Variants in RMST observed in about 807,000 individuals in gnomAD.
The protein encoded by RMST is long intergenic non-protein coding RNA 54.
chr12:97,476,013 A>G (rs1874515779), intron 5 of RMST, among the ~76,000 whole-genome samples: 1 of 152,108 alleles, frequency 6.6e-6, no homozygotes, highest in African/African-American at 2.4e-5. Flanking sequence ...GAGCTGCTTT[A>G]TGCTTTTCTT....
chr12:97,560,824 A>C (rs1466056833), exon 13 of RMST: 1 of 152,230 alleles, frequency 6.6e-6, no homozygotes, highest in Non-Finnish European at 1.5e-5. Context: ...TGACCTGCTC[A>C]TCCAGTGGTC....
chr12:97,491,141 C>T (rs1375347833), intron 5 of RMST, among the ~76,000 whole-genome samples: 1 of 152,094 alleles, frequency 6.6e-6, no homozygotes, highest in African/African-American at 2.4e-5. Context: ...ACTCTGAAGC[C>T]CTCTGAGAGC....
At chr12:97,510,719 A>G (rs1246701344) in intron 10 of RMST, among the ~76,000 whole-genome samples, 3 of 152,196 alleles carry the variant, frequency 2.0e-5, no homozygotes, top group Non-Finnish European at 4.4e-5. Context: ...AGTAGGTGAA[A>G]CAGCATTTGT....
chr12:97,499,293 C>T (rs149584077), intron 10 of RMST, among the ~76,000 whole-genome samples: 195 of 152,066 alleles, frequency 1.3e-3, no homozygotes, highest in African/African-American at 4.5e-3. Flanking sequence ...CTTGCTTGTC[C>T]ATTGTATTTC....
At chr12:97,553,269 ATAATTCATTGAAC>A (rs1262051523) in intron 11 of RMST, among the ~76,000 whole-genome samples, 5 of 152,226 alleles carry the variant, frequency 3.3e-5, no homozygotes, top group Admixed American at 2.6e-4. Context: ...TGTTTGGAGA[ATAATTCATTGAAC>A]TAACACATTT....
intron 10 of RMST, among the ~76,000 whole-genome samples, chr12:97,511,150 CTT>C (rs200176181): frequency 0.15 from 20,837 of 139,676 alleles, 2,525 homozygotes; most frequent in African/African-American, 0.33. Context: ...GTACTTCCTT[CTT>C]TTTTTTTTTT....
intron 11 of RMST, chr12:97,533,805 C>T (rs1592756672): frequency 6.6e-6 from 1 of 151,934 alleles, no homozygotes; most frequent in South Asian, 2.1e-4. Context: ...AGAATTCACT[C>T]TGAATCTGTC....
chr12:97,525,071 C>T (rs1213917627), intron 10 of RMST, among the ~76,000 whole-genome samples: 1 of 152,088 alleles, frequency 6.6e-6, no homozygotes, highest in Non-Finnish European at 1.5e-5. Context: ...AATATTTGTA[C>T]ATTTGTAACA....
intron 11 of RMST, among the ~76,000 whole-genome samples, chr12:97,560,040 A>G (rs535121600): frequency 5.3e-5 from 8 of 152,104 alleles, no homozygotes; most frequent in Non-Finnish European, 7.4e-5. Flanking sequence ...GTCTTTATTT[A>G]TGGTTTCAGC....
At chr12:97,521,109 G>A (rs1194295315) in intron 10 of RMST, among the ~76,000 whole-genome samples, 1 of 152,186 alleles carries the variant, frequency 6.6e-6, no homozygotes, top group East Asian at 1.9e-4. Flanking sequence ...TTACCCACCT[G>A]TAATCATTTA....
intron 10 of RMST, among the ~76,000 whole-genome samples, chr12:97,509,941 C>CT (rs1879105447): frequency 6.6e-6 from 1 of 152,160 alleles, no homozygotes; most frequent in African/African-American, 2.4e-5. Flanking sequence ...CCCCACTAGA[C>CT]TATAGCTACC....
intron 13 of RMST, among the ~76,000 whole-genome samples, chr12:97,562,042 G>A (rs1330839168): frequency 6.6e-6 from 1 of 152,094 alleles, no homozygotes; most frequent in Non-Finnish European, 1.5e-5. Context: ...AGGAAGAACA[G>A]CAACAAAACT....
At chr12:97,545,801 G>T (rs1329641345) in intron 11 of RMST, among the ~76,000 whole-genome samples, 1 of 152,114 alleles carries the variant, frequency 6.6e-6, no homozygotes, top group Non-Finnish European at 1.5e-5. Context: ...TTCTAACACT[G>T]CAGGTTACCT....
intron 10 of RMST, among the ~76,000 whole-genome samples, chr12:97,499,586 C>G (rs1424998896): frequency 1.3e-5 from 2 of 151,434 alleles, no homozygotes; most frequent in African/African-American, 4.9e-5. Context: ...TTTGTAAACT[C>G]TAAAATGATA....
chr12:97,522,163 T>A (rs559472134), intron 10 of RMST, among the ~76,000 whole-genome samples: 1 of 152,354 alleles, frequency 6.6e-6, no homozygotes, highest in East Asian at 1.9e-4. Context: ...AAAACATGTC[T>A]ATTTGCTCCA....
intron 10 of RMST, among the ~76,000 whole-genome samples, chr12:97,527,732 A>T (rs1485663424): frequency 6.6e-6 from 1 of 152,150 alleles, no homozygotes; most frequent in Non-Finnish European, 1.5e-5. Context: ...TTTTAACTGA[A>T]GTCCTCCATA....
At chr12:97,505,072 T>C (rs1878518119) in intron 10 of RMST, among the ~76,000 whole-genome samples, 1 of 152,236 alleles carries the variant, frequency 6.6e-6, no homozygotes, top group African/African-American at 2.4e-5. Context: ...AATTGAAAAA[T>C]ATTTGATTCT....
chr12:97,486,396 G>A (rs941067830), intron 5 of RMST, among the ~76,000 whole-genome samples: 2 of 152,092 alleles, frequency 1.3e-5, no homozygotes, highest in Admixed American at 1.3e-4. Flanking sequence ...AGCAGGTGAG[G>A]GCCATCTTTG....
intron 5 of RMST, among the ~76,000 whole-genome samples, chr12:97,492,190 TATCAA>T (rs1181864792): frequency 1.3e-5 from 2 of 152,194 alleles, no homozygotes; most frequent in African/African-American, 4.8e-5. Flanking sequence ...ATCAAGGGAC[TATCAA>T]ATCAAAGTTT....
Sources: gnomAD v4.1 joint callset for allele counts (sites outside exome capture counted in the v4.1 genomes callset) on GRCh38, gnomAD v4.1.1 for gene constraint, MANE v1.5 for transcripts, NCBI Gene and HGNC (gene_info 2026-07-23, HGNC 2026-07-21) for gene names.